The following SHISA9 variants were observed in gnomAD, a reference collection of about 807,000 sequenced individuals.
SHISA9 encodes the protein shisa family member 9.
In SHISA9, 13 loss-of-function variants were observed where a neutral mutation model predicts 38.0. The observed-to-expected ratio is 0.34, with a 90% confidence interval of 0.22 to 0.54. SHISA9 has a LOEUF of 0.54. SHISA9 is among the 20% of genes least tolerant of loss of function. The pLI is 0.91. For missense variants in SHISA9, 538 were observed against 575.8 expected (o/e 0.93, Z 0.67); for synonymous variants, 275 against 242.0 (o/e 1.14, Z -1.27).
the SHISA9 span, among the ~76,000 whole-genome samples, chr16:13,510,333 C>A: frequency 1.3e-5 from 2 of 152,162 alleles, no homozygotes; most frequent in East Asian, 3.9e-4. Context: ...CAAACTGAGG[C>A]TCATTCAGAT....
At chr16:13,412,099 G>A in the SHISA9 span, among the ~76,000 whole-genome samples, 3 of 151,802 alleles carry the variant, frequency 2.0e-5, no homozygotes, top group African/African-American at 4.9e-5. Flanking sequence ...GCCTATTCTC[G>A]AATGTAAGTA....
At chr16:13,233,417 A>G (rs1309318542) in intron 4 of SHISA9, among the ~76,000 whole-genome samples, 1 of 152,216 alleles carries the variant, frequency 6.6e-6, no homozygotes, top group Non-Finnish European at 1.5e-5. Context: ...ATGTATCAAG[A>G]GCCTTAACAA....
chr16:13,148,606 T>A (rs2050469101), intron 2 of SHISA9, among the ~76,000 whole-genome samples: 1 of 151,956 alleles, frequency 6.6e-6, no homozygotes, highest in Admixed American at 6.6e-5. Context: ...TATGTCTATA[T>A]TCATATGCAT....
chr16:13,068,088 C>G (rs2073455360), intron 2 of SHISA9, among the ~76,000 whole-genome samples: 1 of 152,208 alleles, frequency 6.6e-6, no homozygotes, highest in Admixed American at 6.5e-5. Context: ...TGAGATCAGG[C>G]TCCTTGGGCT....
the SHISA9 span, among the ~76,000 whole-genome samples, chr16:13,298,505 T>C: frequency 1.3e-5 from 2 of 152,172 alleles, no homozygotes; most frequent in Non-Finnish European, 2.9e-5. Context: ...AAGTAGGCAA[T>C]ATATCTTGTT....
At chr16:13,031,723 C>G (rs1282308374) in intron 2 of SHISA9, among the ~76,000 whole-genome samples, 1 of 152,136 alleles carries the variant, frequency 6.6e-6, no homozygotes, top group East Asian at 1.9e-4. Flanking sequence ...AGGCTAGGCT[C>G]ATATGAGACA....
the SHISA9 span, among the ~76,000 whole-genome samples, chr16:13,334,742 C>T: frequency 6.8e-6 from 1 of 147,192 alleles, no homozygotes; most frequent in South Asian, 2.2e-4. Flanking sequence ...CCACTGCACT[C>T]CAGCCTGGGT....
intron 2 of SHISA9, among the ~76,000 whole-genome samples, chr16:12,971,679 T>G (rs921679539): frequency 6.6e-6 from 1 of 152,218 alleles, no homozygotes; most frequent in Non-Finnish European, 1.5e-5. Flanking sequence ...CGTACCAGAT[T>G]AATTTTATGA....
the SHISA9 span, among the ~76,000 whole-genome samples, chr16:13,251,233 C>G: frequency 2.0e-5 from 3 of 152,212 alleles, no homozygotes; most frequent in African/African-American, 7.2e-5. Context: ...GGAAAAGAGA[C>G]TGCTGGCAGA....
chr16:13,084,215 G>A (rs2073685953), intron 2 of SHISA9, among the ~76,000 whole-genome samples: 1 of 152,208 alleles, frequency 6.6e-6, no homozygotes, highest in African/African-American at 2.4e-5. Flanking sequence ...GAGAGAGTCA[G>A]GCAGACCCAA....
At chr16:13,272,134 T>A in the SHISA9 span, among the ~76,000 whole-genome samples, 1 of 151,540 alleles carries the variant, frequency 6.6e-6, no homozygotes, top group Non-Finnish European at 1.5e-5. Flanking sequence ...TGACGGTGGT[T>A]GCATCACTTG....
intron 2 of SHISA9, among the ~76,000 whole-genome samples, chr16:13,053,051 C>T (rs1257471850): frequency 1.3e-5 from 2 of 150,296 alleles, no homozygotes; most frequent in Admixed American, 6.6e-5. Context: ...GCAACCTCCG[C>T]CTGCCAGGTT....
At chr16:13,057,800 C>T (rs944223688) in intron 2 of SHISA9, among the ~76,000 whole-genome samples, 2 of 152,158 alleles carry the variant, frequency 1.3e-5, no homozygotes, top group African/African-American at 4.8e-5. Context: ...TCCTGATGCT[C>T]TCTCCTCCCT....
chr16:13,501,352 A>G, the SHISA9 span, among the ~76,000 whole-genome samples: 5 of 152,166 alleles, frequency 3.3e-5, no homozygotes, highest in Non-Finnish European at 5.9e-5. Context: ...CAGAAACTAC[A>G]AAAGTCATTT....
At chr16:12,919,478 A>G (rs1321269133) in intron 2 of SHISA9, among the ~76,000 whole-genome samples, 1 of 152,176 alleles carries the variant, frequency 6.6e-6, no homozygotes, top group African/African-American at 2.4e-5. Context: ...CACCCACTCA[A>G]CATTGCTTTA....
the SHISA9 span, among the ~76,000 whole-genome samples, chr16:13,535,113 CT>C: frequency 6.6e-6 from 1 of 152,068 alleles, no homozygotes; most frequent in Non-Finnish European, 1.5e-5. Context: ...CAATATGGTG[CT>C]GTGCGCCTGT....
the SHISA9 span, among the ~76,000 whole-genome samples, chr16:13,407,365 G>A: frequency 1.3e-5 from 2 of 152,114 alleles, no homozygotes; most frequent in African/African-American, 4.8e-5. Context: ...TTCACGTGGT[G>A]GAAGAGGCAA....
the SHISA9 span, among the ~76,000 whole-genome samples, chr16:13,300,496 G>C: frequency 6.6e-6 from 1 of 152,098 alleles, no homozygotes; most frequent in Non-Finnish European, 1.5e-5. Context: ...TGTGGAGTCA[G>C]ATTACTCAAA....
At chr16:12,970,417 ACACATATATG>A (rs2072053989) in intron 2 of SHISA9, among the ~76,000 whole-genome samples, 1 of 4,534 alleles carries the variant, frequency 2.2e-4, no homozygotes, top group Non-Finnish European at 7.0e-4. Flanking sequence ...ATATATATAT[ACACATATATG>A]TATATATATA....
Sources: allele counts gnomAD v4.1 joint callset (sites outside exome capture counted in the v4.1 genomes callset), GRCh38; gene constraint gnomAD v4.1.1; transcripts MANE v1.5; gene names NCBI Gene and HGNC (gene_info 2026-07-23, HGNC 2026-07-21).